TRPM3: variants seen among roughly 807,000 people sequenced by gnomAD.
The protein encoded by TRPM3 is long transient receptor potential channel 3.
TRPM3 carries 77 observed loss-of-function variants against 181.2 expected under a neutral mutation model. The ratio of observed to expected loss-of-function variants is 0.42; its 90% CI spans 0.35 to 0.51. The LOEUF (loss-of-function observed/expected upper bound fraction) is 0.51, where lower values mean the gene tolerates loss of function less well. Ranked by LOEUF, TRPM3 falls within the 20% of genes least tolerant of loss-of-function variation. The pLI, the probability that TRPM3 is intolerant of heterozygous loss-of-function variation, is 0.01. For missense variants in TRPM3, 1,759 were observed against 2,196.7 expected, an observed-to-expected ratio of 0.80 and a Z score of 3.98; for synonymous variants, 745 against 796.4, an observed-to-expected ratio of 0.94 and a Z score of 1.09.
intron 1 of TRPM3, among the ~76,000 whole-genome samples, chr9:70,951,360 G>T (rs1403042841): frequency 6.6e-6 from 1 of 151,950 alleles, no homozygotes; most frequent in Non-Finnish European, 1.5e-5. Flanking sequence ...TTTTGTTTTT[G>T]AGATGAAGTA....
chr9:71,390,862 A>T (rs1291160585), intron 1 of TRPM3, among the ~76,000 whole-genome samples: 1 of 151,998 alleles, frequency 6.6e-6, no homozygotes, highest in African/African-American at 2.4e-5. Flanking sequence ...GCTGCAAAGA[A>T]GAAAGAAGTA....
At chr9:70,804,424 A>G (rs1159534481) in intron 6 of TRPM3, among the ~76,000 whole-genome samples, 1 of 152,158 alleles carries the variant, frequency 6.6e-6, no homozygotes. Flanking sequence ...TTTTGAACAC[A>G]TCCCTTGTGT....
chr9:71,354,159 T>C (rs1565491790), intron 1 of TRPM3, among the ~76,000 whole-genome samples: 1 of 152,196 alleles, frequency 6.6e-6, no homozygotes, highest in Non-Finnish European at 1.5e-5. Context: ...GCATGAACAG[T>C]CTAACCACTG....
At chr9:70,915,346 G>A (rs1221221635) in intron 1 of TRPM3, among the ~76,000 whole-genome samples, 1 of 151,784 alleles carries the variant, frequency 6.6e-6, no homozygotes, top group Non-Finnish European at 1.5e-5. Flanking sequence ...CGCCCAGGCT[G>A]GAGTGCACTG....
chr9:71,019,718 C>A (rs1590701739), intron 1 of TRPM3, among the ~76,000 whole-genome samples: 1 of 152,076 alleles, frequency 6.6e-6, no homozygotes, highest in South Asian at 2.1e-4. Context: ...TACAAATTGG[C>A]AATCTGATTC....
In TRPM3 at chr9:71,133,971, GTT is replaced by G. The variant is rs1491351254; in HGVS notation, c.184-269462_184-269461del. Among the ~76,000 whole-genome samples, 15 of 82,288 alleles carry G rather than the reference GTT, an allele frequency of 1.8e-4. No individual in the cohort carries two copies. In the East Asian group the frequency reaches 4.6e-3, roughly 25 times the overall value. The allele number at this position is 82,288 out of a possible 152,430, so 54.0% of individuals were successfully genotyped here. ...TTTGCCTACTATCTAAACTGTGTGT[GTT>G]TGTGTGTGTGTGTGTGTGTGTGTGT... is the stretch of plus-strand genomic sequence containing the variant. On this transcript the variant is annotated intron_variant, in intron 1 of 24. Transcript: ENST00000357533.
At chr9:71,282,114 GAA>G (rs2084781423) in intron 1 of TRPM3, among the ~76,000 whole-genome samples, 2 of 107,118 alleles carry the variant, frequency 1.9e-5, no homozygotes, top group Non-Finnish European at 4.0e-5. Flanking sequence ...AAGAAAGAAA[GAA>G]AAAGAAAGAA....
chr9:71,046,066 T>G (rs1363532351), intron 1 of TRPM3, among the ~76,000 whole-genome samples: 1 of 151,776 alleles, frequency 6.6e-6, no homozygotes, highest in African/African-American at 2.4e-5. Flanking sequence ...CTCACGATCT[T>G]GGCTTGAATC....
intron 1 of TRPM3, among the ~76,000 whole-genome samples, chr9:71,315,708 G>A (rs567663046): frequency 6.6e-6 from 1 of 152,004 alleles, no homozygotes; most frequent in African/African-American, 2.4e-5. Flanking sequence ...AAACAAAGAG[G>A]ATATTATCCA....
At chr9:70,589,274 G>T (rs1322283790) in intron 22 of TRPM3, among the ~76,000 whole-genome samples, 1 of 152,190 alleles carries the variant, frequency 6.6e-6, no homozygotes, top group Non-Finnish European at 1.5e-5. Context: ...AGATGGTGGT[G>T]TTTGTTGCAC....
At chr9:71,269,653 A>T (rs1304333053) in intron 1 of TRPM3, among the ~76,000 whole-genome samples, 3 of 152,222 alleles carry the variant, frequency 2.0e-5, no homozygotes, top group Admixed American at 2.0e-4. Context: ...GAACTAGAAA[A>T]ATCGGAGTGA....
chr9:70,897,443 G>A (rs539661386), intron 1 of TRPM3, among the ~76,000 whole-genome samples: 3 of 151,326 alleles, frequency 2.0e-5, no homozygotes, highest in South Asian at 4.2e-4. Flanking sequence ...CATACTTTTC[G>A]GTAACTGTGA....
intron 10 of TRPM3, among the ~76,000 whole-genome samples, chr9:70,639,542 G>T (rs2057733422): frequency 6.6e-6 from 1 of 152,142 alleles, no homozygotes; most frequent in African/African-American, 2.4e-5. Flanking sequence ...AGTGTCAAAG[G>T]GGGCACTTTT....
chr9:71,092,675 C>T (rs1340307666), intron 1 of TRPM3, among the ~76,000 whole-genome samples: 1 of 152,140 alleles, frequency 6.6e-6, no homozygotes, highest in East Asian at 1.9e-4. Flanking sequence ...TTAAGCCCAA[C>T]ATGGCAACAT....
At chr9:70,573,506 T>C (rs2053019908) in intron 22 of TRPM3, among the ~76,000 whole-genome samples, 1 of 152,022 alleles carries the variant, frequency 6.6e-6, no homozygotes, top group African/African-American at 2.4e-5. Context: ...ATTGTGGGAG[T>C]GTCCTGTGCA....
intron 1 of TRPM3, among the ~76,000 whole-genome samples, chr9:71,026,281 C>A (rs2056476730): frequency 1.3e-5 from 2 of 152,188 alleles, no homozygotes; most frequent in African/African-American, 4.8e-5. Flanking sequence ...AGCGCCCCTC[C>A]ATCTGCTGGC....
intron 7 of TRPM3, among the ~76,000 whole-genome samples, chr9:70,783,696 C>T: frequency 6.6e-6 from 1 of 152,130 alleles, no homozygotes; most frequent in East Asian, 1.9e-4. Flanking sequence ...GGAGGCCAAG[C>T]CTGGAAGCTG....
intron 1 of TRPM3, among the ~76,000 whole-genome samples, chr9:71,286,211 A>G (rs2085268247): frequency 6.6e-6 from 1 of 152,234 alleles, no homozygotes; most frequent in African/African-American, 2.4e-5. Context: ...GTAGTTTTGT[A>G]GTTTCCCAAT....
intron 1 of TRPM3, among the ~76,000 whole-genome samples, chr9:71,289,275 A>G (rs1212188109): frequency 1.3e-5 from 2 of 152,158 alleles, no homozygotes; most frequent in Non-Finnish European, 2.9e-5. Context: ...GATGATACTG[A>G]GAGTATGTCA....
Sources: gnomAD v4.1 joint callset for allele counts (sites outside exome capture counted in the v4.1 genomes callset) on GRCh38, gnomAD v4.1.1 for gene constraint, MANE v1.5 for transcripts, NCBI Gene and HGNC (gene_info 2026-07-23, HGNC 2026-07-21) for gene names.